The following JPT2 variants were observed in gnomAD, a reference collection of about 807,000 sequenced individuals.
JPT2 encodes CRAMP_1 like.
Under a neutral mutation model 15.9 loss-of-function variants are expected in JPT2, and 9 were observed. That is an observed-to-expected ratio of 0.57 (90% CI 0.34 to 0.99). The LOEUF is 0.99. Among genes scored for constraint, JPT2 ranks in the 50% least tolerant of loss-of-function variants. JPT2 has a pLI of 0.02. For synonymous variants in JPT2, 95 were observed against 91.7 expected (o/e 1.04, Z -0.21); for missense variants, 267 against 252.1 (o/e 1.06, Z -0.40).
intron 2 of JPT2, among the ~76,000 whole-genome samples, chr16:1,690,895 A>G (rs747306656): frequency 2.6e-5 from 4 of 152,236 alleles, no homozygotes; most frequent in Non-Finnish European, 5.9e-5. Flanking sequence ...ACAGTAACTC[A>G]CTGAGCTTTC....
intron 1 of JPT2, among the ~76,000 whole-genome samples, chr16:1,684,886 G>A (rs1478155326): frequency 6.6e-6 from 1 of 151,140 alleles, no homozygotes; most frequent in Non-Finnish European, 1.5e-5. Flanking sequence ...ACTCCAGCCT[G>A]GGCGACAGAG....
At chr16:1,696,701 A>G (rs1306699701) in intron 3 of JPT2, among the ~76,000 whole-genome samples, 1 of 152,200 alleles carries the variant, frequency 6.6e-6, no homozygotes, top group African/African-American at 2.4e-5. Context: ...GAAGAGATAC[A>G]AGCAGCCAAA....
chr16:1,678,695 G>A (rs2036994483), intron 1 of JPT2, among the ~76,000 whole-genome samples: 1 of 152,138 alleles, frequency 6.6e-6, no homozygotes, highest in South Asian at 2.1e-4. Flanking sequence ...TGCGTTCCGT[G>A]GGGGGTTTCC....
In JPT2 at chr16:1,691,881, G is replaced by C; in HGVS notation, c.232G>C (p.Val78Leu). 6.2e-7 allele frequency: 1 copy of C among 1,614,108 alleles called. No homozygotes were observed. The highest frequency in any genetic ancestry group is 8.5e-7 in the Non-Finnish European group (1 of 1,180,024). ...TGGTATCTTTGACGAATCAACCCCC[G>C]TGCAGACTCGACAGCACCTGAACCC... ...GSGIFDESTP[V>L]QTRQHLNPPG... The change falls in exon 3 of 5, where the codon GTG becomes CTG. Residue 78 changes from valine (V) to leucine (L), a missense_variant. Val to Leu is a conservative substitution (Grantham distance 32, BLOSUM62 1). Transcript: ENST00000248098.
At chr16:1,681,151 G>T (rs1384342876) in intron 1 of JPT2, among the ~76,000 whole-genome samples, 1 of 152,160 alleles carries the variant, frequency 6.6e-6, no homozygotes, top group African/African-American at 2.4e-5. Context: ...TGTCATAGTG[G>T]TAAGTGCCTG....
intron 1 of JPT2, among the ~76,000 whole-genome samples, chr16:1,685,194 G>C (rs1309740345): frequency 6.6e-6 from 1 of 151,906 alleles, no homozygotes; most frequent in Non-Finnish European, 1.5e-5. Context: ...CAGCTGTGGT[G>C]GTGGGTGCCT....
At chr16:1,696,123 G>C (rs1305467906) in intron 3 of JPT2, among the ~76,000 whole-genome samples, 1 of 152,048 alleles carries the variant, frequency 6.6e-6, no homozygotes, top group East Asian at 1.9e-4. Flanking sequence ...CAGGTACTCG[G>C]AAGACTGAGG....
chr16:1,695,079 TAGAG>T (rs1254770826), intron 3 of JPT2, among the ~76,000 whole-genome samples: 2 of 152,008 alleles, frequency 1.3e-5, no homozygotes, highest in African/African-American at 4.8e-5. Flanking sequence ...CTGGACAACA[TAGAG>T]AGACCTCAAC....
At chr16:1,695,451 G>T (rs2037134421) in intron 3 of JPT2, among the ~76,000 whole-genome samples, 1 of 151,566 alleles carries the variant, frequency 6.6e-6, no homozygotes, top group South Asian at 2.1e-4. Context: ...GTGCACCTGT[G>T]GTCCTAGTTA....
At chr16:1,687,955 ACAT>A (rs1282993627) in intron 2 of JPT2, among the ~76,000 whole-genome samples, 2 of 152,160 alleles carry the variant, frequency 1.3e-5, no homozygotes, top group African/African-American at 4.8e-5. Flanking sequence ...GTGACCGACC[ACAT>A]CATAGCCATC....
At chr16:1,684,003 G>A (rs1160798858) in intron 1 of JPT2, among the ~76,000 whole-genome samples, 1 of 152,176 alleles carries the variant, frequency 6.6e-6, no homozygotes, top group Non-Finnish European at 1.5e-5. Context: ...TCCTCCATAT[G>A]CTTTTAAATC....
chr16:1,699,463 T>C lies in JPT2; in HGVS notation c.*465T>C, dbSNP rs2037166700. 2.8e-6 allele frequency: 1 copy of C among 352,088 alleles called. No homozygotes were observed. Among genetic ancestry groups the C allele is most frequent in the African/African-American group, 2.1e-5 (1 of 46,852 alleles). The allele number at this position is 352,088 out of a possible 1,614,324, so 21.8% of individuals were successfully genotyped here. A position where few individuals can be genotyped will look rare whatever the true frequency, so the allele number is the denominator to read the frequency against. Reference sequence around the variant, plus strand: ...CATTCTGGAGATCACGGCTGCTAAATCCAGCATCCCCACTTCATTTTACCC... The same window carrying C: ...CATTCTGGAGATCACGGCTGCTAAACCCAGCATCCCCACTTCATTTTACCC... On this transcript the variant is annotated 3_prime_UTR_variant, in exon 5 of 5. Transcript: ENST00000248098.
chr16:1,687,637 TAGTG>T (rs1213123754), intron 2 of JPT2, among the ~76,000 whole-genome samples: 1 of 152,218 alleles, frequency 6.6e-6, no homozygotes, highest in African/African-American at 2.4e-5. Context: ...CCCTTGCGGT[TAGTG>T]AGCCAGCCTC....
intron 3 of JPT2, among the ~76,000 whole-genome samples, chr16:1,695,749 T>G (rs2037136948): frequency 1.3e-5 from 2 of 151,880 alleles, no homozygotes; most frequent in African/African-American, 4.8e-5. Flanking sequence ...TGCACACCTG[T>G]GGTCCCAGCT....
intron 1 of JPT2, chr16:1,683,607 G>A (rs998703792): frequency 9.8e-6 from 15 of 1,532,158 alleles, no homozygotes; most frequent in East Asian, 7.3e-5. Context: ...GCCAGCACAC[G>A]CTTGGTTTCT....
intron 3 of JPT2, among the ~76,000 whole-genome samples, chr16:1,694,455 C>G (rs964902131): frequency 2.0e-5 from 3 of 152,206 alleles, no homozygotes; most frequent in African/African-American, 7.2e-5. Flanking sequence ...TATAAGAGTC[C>G]TAATGGTGTT....
intron 3 of JPT2, among the ~76,000 whole-genome samples, chr16:1,696,686 C>T (rs2037144658): frequency 6.6e-6 from 1 of 152,100 alleles, no homozygotes; most frequent in Non-Finnish European, 1.5e-5. Context: ...ATACATTTCT[C>T]CAAAGAAGAG....
chr16:1,692,371 T>C (rs1952031075), intron 3 of JPT2: 1 of 233,450 alleles, frequency 4.3e-6, no homozygotes, highest in African/African-American at 2.3e-5. Context: ...GTGACAGTTC[T>C]TTTCTGATGG....
intron 3 of JPT2, 118 bp from the exon 4 acceptor site, chr16:1,697,694 C>A: frequency 1.2e-6 from 1 of 865,110 alleles, no homozygotes; most frequent in Non-Finnish European, 1.9e-6. Flanking sequence ...GTCCTGAGGT[C>A]AGATATACAA....
Sources: gnomAD v4.1 joint callset for allele counts (sites outside exome capture counted in the v4.1 genomes callset) on GRCh38, gnomAD v4.1.1 for gene constraint, MANE v1.5 for transcripts, NCBI Gene and HGNC (gene_info 2026-07-23, HGNC 2026-07-21) for gene names.